Variants in GUCY1A2 observed in about 807,000 individuals in gnomAD.
GUCY1A2 encodes the protein guanylate cyclase soluble subunit alpha-2.
GUCY1A2 carries 27 observed loss-of-function variants against 63.5 expected under a neutral mutation model. The observed-to-expected ratio is 0.43, with a 90% confidence interval of 0.31 to 0.59. GUCY1A2 has a LOEUF of 0.59. Among genes scored for constraint, GUCY1A2 ranks in the 20% least tolerant of loss-of-function variants. GUCY1A2 has a pLI of 0.11. For missense variants in GUCY1A2, 768 were observed against 913.3 expected (o/e 0.84, Z 2.05); for synonymous variants, 364 against 343.5 (o/e 1.06, Z -0.66).
intron 4 of GUCY1A2, among the ~76,000 whole-genome samples, chr11:106,867,656 A>G (rs1859613893): frequency 6.6e-6 from 1 of 152,134 alleles, no homozygotes; most frequent in South Asian, 2.1e-4. Flanking sequence ...GGACCATTAT[A>G]GCACTTTAAG....
intron 4 of GUCY1A2, among the ~76,000 whole-genome samples, chr11:106,882,914 C>G (rs759403114): frequency 2.6e-5 from 4 of 151,978 alleles, no homozygotes; most frequent in Non-Finnish European, 5.9e-5. Context: ...TAGAAGTTCC[C>G]CAATTCCTCA....
In GUCY1A2 at chr11:106,877,458, C is replaced by T. The variant is rs182652114; in HGVS notation, c.1206+62002G>A. Among the ~76,000 whole-genome samples, 15 of 151,990 alleles carry T rather than the reference C, an allele frequency of 9.9e-5. No homozygotes were observed. The East Asian group carries it at 2.1e-3, about 22-fold the overall frequency. On this transcript the variant is annotated intron_variant, in intron 4 of 7. Transcript: ENST00000526355. ...GTACAAAAACAGACACGTAGACCAA[C>T]GGAACAAAATAGAGAGCCCAGAAAT...
At chr11:106,765,169 T>C (rs1371009379) in intron 6 of GUCY1A2, among the ~76,000 whole-genome samples, 1 of 12,516 alleles carries the variant, frequency 8.0e-5, no homozygotes. Flanking sequence ...TGAGATAATA[T>C]GTAAATGTCA....
rs1032061443 is a variant in GUCY1A2 at position 106,675,769 on chromosome 11, A to G, written c.*11780T>C. On this transcript the variant is annotated 3_prime_UTR_variant, in exon 8 of 8. Transcript: ENST00000526355. ...AAATCACAGGAAGAAAGTAATCAGT[A>G]TTTTCATAGATACCAATTTATATGG... The G allele has an allele frequency of 3.1e-5, 6 of 190,736 alleles. No homozygotes were observed. Among genetic ancestry groups the G allele is most frequent in the African/African-American group, 1.2e-4 (5 of 42,988 alleles). 11.8% of individuals were successfully genotyped at this position (190,736 alleles called of 1,614,324 possible).
At chr11:106,963,238 A>G (rs971655526) in intron 3 of GUCY1A2, among the ~76,000 whole-genome samples, 19 of 152,206 alleles carry the variant, frequency 1.2e-4, no homozygotes, top group Admixed American at 3.9e-4. Flanking sequence ...AGAGGAGAAT[A>G]TGTCAATGAT....
chr11:106,758,159 C>G (rs973392544), intron 6 of GUCY1A2, among the ~76,000 whole-genome samples: 2 of 152,204 alleles, frequency 1.3e-5, no homozygotes, highest in Non-Finnish European at 2.9e-5. Context: ...ATACCACCTA[C>G]TCAAGCCTCA....
In GUCY1A2 at chr11:106,708,592, A is replaced by G. The variant is rs1249561719; in HGVS notation, c.1911T>C (p.Phe637=). ...TGCTTGCCAGTGTGACATTATTTCC[A>G]AACAGGCAATAACGTGGCATTCGCA... ...VGVRMPRYCL[F]GNNVTLASKF... Residue 637 remains phenylalanine (F), a synonymous_variant, in exon 7 of 8, where the codon TTT becomes TTC. Transcript: ENST00000526355. The G allele has an allele frequency of 6.2e-7, 1 of 1,612,992 alleles. No homozygotes were observed. Among genetic ancestry groups the G allele is most frequent in the South Asian group, 1.1e-5 (1 of 90,982 alleles).
intron 6 of GUCY1A2, among the ~76,000 whole-genome samples, chr11:106,718,578 GTTA>G (rs753750448): frequency 3.3e-5 from 5 of 152,032 alleles, no homozygotes; most frequent in Non-Finnish European, 7.4e-5. Flanking sequence ...CTGTAGGAGT[GTTA>G]TTATTAAGGC....
chr11:106,740,689 T>TGTATGTA, intron 6 of GUCY1A2, among the ~76,000 whole-genome samples: 1 of 149,454 alleles, frequency 6.7e-6, no homozygotes, highest in African/African-American at 2.4e-5. Flanking sequence ...TATGTATGTA[T>TGTATGTA]TTAGAGACAG....
In GUCY1A2 at chr11:106,683,857, C is replaced by T. The variant is rs745524022; in HGVS notation, c.*3692G>A. The T allele has an allele frequency of 1.9e-5, 4 of 206,112 alleles. No individual in the cohort carries two copies. Among genetic ancestry groups the T allele is most frequent in the South Asian group, 1.9e-4 (1 of 5,314 alleles). 12.8% of individuals were successfully genotyped at this position (206,112 alleles called of 1,614,324 possible). On this transcript the variant is annotated 3_prime_UTR_variant, in exon 8 of 8. Transcript: ENST00000526355. ...TTTTGAGCTCCTACCTGATGCCTTA[C>T]GACTTTAGATACACAATTTCATTCA... is the stretch of plus-strand genomic sequence containing the variant.
chr11:106,939,133 T>C (rs1860716926), intron 4 of GUCY1A2, among the ~76,000 whole-genome samples: 4 of 152,366 alleles, frequency 2.6e-5, no homozygotes, highest in South Asian at 2.1e-4. Context: ...ATATTTCTCA[T>C]AGTTTGACTA....
intron 5 of GUCY1A2, among the ~76,000 whole-genome samples, chr11:106,779,340 C>T (rs972355872): frequency 2.6e-5 from 4 of 152,158 alleles, no homozygotes; most frequent in African/African-American, 9.7e-5. Context: ...GAGGAAGACA[C>T]CCATCAAAGA....
At chr11:106,976,748 T>C (rs1305735877) in intron 3 of GUCY1A2, among the ~76,000 whole-genome samples, 1 of 152,012 alleles carries the variant, frequency 6.6e-6, no homozygotes, top group Non-Finnish European at 1.5e-5. Flanking sequence ...GTAGAAAAAG[T>C]TACTATTCAT....
intron 6 of GUCY1A2, among the ~76,000 whole-genome samples, chr11:106,728,422 G>A (rs1293895634): frequency 2.0e-5 from 3 of 152,136 alleles, no homozygotes; most frequent in Non-Finnish European, 4.4e-5. Context: ...TGAAGAGATA[G>A]AGAAGACACC....
chr11:106,820,701 C>A (rs1272404925), intron 4 of GUCY1A2, among the ~76,000 whole-genome samples: 1 of 152,068 alleles, frequency 6.6e-6, no homozygotes, highest in Non-Finnish European at 1.5e-5. Flanking sequence ...CCTGGCCTAG[C>A]CTAAGCACTC....
chr11:106,796,392 T>C (rs768618352), intron 5 of GUCY1A2, among the ~76,000 whole-genome samples: 7 of 152,214 alleles, frequency 4.6e-5, no homozygotes, highest in Non-Finnish European at 7.3e-5. Context: ...CTGCAGTTTC[T>C]TCCTAGCATC....
At chr11:106,848,602 G>A (rs971700190) in intron 4 of GUCY1A2, among the ~76,000 whole-genome samples, 10 of 151,624 alleles carry the variant, frequency 6.6e-5, no homozygotes, top group Non-Finnish European at 1.5e-4. Context: ...ACTAACTGGA[G>A]TATTATAATT....
chr11:106,893,362 G>A (rs1486196200), intron 4 of GUCY1A2, among the ~76,000 whole-genome samples: 1 of 151,956 alleles, frequency 6.6e-6, no homozygotes, highest in Non-Finnish European at 1.5e-5. Flanking sequence ...TTCATGGAAG[G>A]AAAGAGAAAA....
At chr11:106,784,289 G>T (rs1864518300) in intron 5 of GUCY1A2, among the ~76,000 whole-genome samples, 1 of 152,158 alleles carries the variant, frequency 6.6e-6, no homozygotes. Context: ...AACCCTGTAG[G>T]TTATTCTCCC....
Sources: allele counts gnomAD v4.1 joint callset (sites outside exome capture counted in the v4.1 genomes callset), GRCh38; gene constraint gnomAD v4.1.1; transcripts MANE v1.5; gene names NCBI Gene and HGNC (gene_info 2026-07-23, HGNC 2026-07-21).